KCNK1: variants seen among roughly 807,000 people sequenced by gnomAD.
KCNK1 encodes the protein potassium two pore domain channel subfamily K member 1, also known as potassium channel subfamily K member 1.
A neutral mutation model predicts 22.2 loss-of-function variants in KCNK1; 10 were observed. The observed-to-expected ratio is 0.45, with a 90% CI of 0.28 to 0.76. KCNK1 has a LOEUF of 0.76. Ranked by LOEUF, KCNK1 falls within the 30% of genes least tolerant of loss-of-function variation. The pLI, the probability that KCNK1 is intolerant of heterozygous loss-of-function variation, is 0.14. For missense variants in KCNK1, 378 were observed against 421.0 expected, an observed-to-expected ratio of 0.90 and a Z score of 0.89; for synonymous variants, 200 against 186.4, an observed-to-expected ratio of 1.07 and a Z score of -0.60.
intron 1 of KCNK1, among the ~76,000 whole-genome samples, chr1:233,662,238 C>CCTTCTTCTTCTTCTTCTTCTTCTT (rs147341553): frequency 4.5e-4 from 68 of 149,572 alleles, no homozygotes; most frequent in African/African-American, 8.6e-4. Flanking sequence ...TTCTTCTTCT[C>CCTTCTTCTTCTTCTTCTTCTTCTT]CTTCTTCTTC....
intron 1 of KCNK1, among the ~76,000 whole-genome samples, chr1:233,648,618 G>T (rs1196690866): frequency 6.6e-6 from 1 of 151,606 alleles, no homozygotes; most frequent in Admixed American, 6.6e-5. Context: ...AGGCTGGAGT[G>T]CAGTGGTGTG....
chr1:233,639,916 G>A (rs1177879379), intron 1 of KCNK1, among the ~76,000 whole-genome samples: 9 of 152,182 alleles, frequency 5.9e-5, no homozygotes, highest in Non-Finnish European at 4.4e-5. Flanking sequence ...TCCTGCTCTG[G>A]GCAGTTGGTG....
intron 1 of KCNK1, among the ~76,000 whole-genome samples, chr1:233,651,676 T>G (rs1389213280): frequency 6.6e-6 from 1 of 152,232 alleles, no homozygotes; most frequent in African/African-American, 2.4e-5. Context: ...TCTAACTCTC[T>G]CTTCGAATGT....
chr1:233,622,637 C>T (rs1336490648), intron 1 of KCNK1, among the ~76,000 whole-genome samples: 1 of 152,118 alleles, frequency 6.6e-6, no homozygotes, highest in African/African-American at 2.4e-5. Context: ...CGATCTGAGG[C>T]TGAATGGAGG....
At chr1:233,631,208 T>C (rs1303089731) in intron 1 of KCNK1, 3 of 509,348 alleles carry the variant, frequency 5.9e-6, no homozygotes, top group Non-Finnish European at 1.2e-5. Flanking sequence ...CTAACTCAAA[T>C]AGGCGTGATG....
chr1:233,616,239 C>T (rs1452079030), intron 1 of KCNK1, among the ~76,000 whole-genome samples: 11 of 151,994 alleles, frequency 7.2e-5, no homozygotes, highest in Admixed American at 5.9e-4. Context: ...ATGCTTATAG[C>T]GTGTGGTGTT....
intron 1 of KCNK1, among the ~76,000 whole-genome samples, chr1:233,622,927 T>C (rs1657616843): frequency 6.6e-6 from 1 of 152,150 alleles, no homozygotes; most frequent in African/African-American, 2.4e-5. Context: ...TTGACCAACT[T>C]TGTGAAATAA....
At chr1:233,653,178 C>T (rs1658228950) in intron 1 of KCNK1, among the ~76,000 whole-genome samples, 1 of 152,190 alleles carries the variant, frequency 6.6e-6, no homozygotes, top group African/African-American at 2.4e-5. Context: ...GCTTATGCTG[C>T]TTCACCCATT....
chr1:233,666,481 C>A, intron 1 of KCNK1, 114 bp from the exon 2 acceptor site: 1 of 999,832 alleles, frequency 1.0e-6, no homozygotes, highest in Non-Finnish European at 1.5e-6. Context: ...TGAAGTCTCG[C>A]TGTTCTCTTT....
At chr1:233,657,624 A>C (rs1658320613) in intron 1 of KCNK1, among the ~76,000 whole-genome samples, 1 of 151,454 alleles carries the variant, frequency 6.6e-6, no homozygotes, top group Non-Finnish European at 1.5e-5. Context: ...AGAGAAAAAG[A>C]AAGAAAAGAA....
rs767922740 is a variant in KCNK1, at chr1:233,671,361, A to G, written c.842A>G (p.Tyr281Cys). ...CTGAAAAAATTCAGAAAAATGTTCT[A>G]TGTGAAGAAGGACAAGGACGAGGAT... ...HELKKFRKMF[Y>C]VKKDKDEDQV... The change falls in exon 3 of 3, where the codon TAT becomes TGT. Residue 281 changes from tyrosine (Y) to cysteine (C), a missense_variant. Coordinates refer to ENST00000366621, the MANE Select transcript of KCNK1 (RefSeq NM_002245.4). The G allele has an allele frequency of 9.9e-6, 16 of 1,614,100 alleles. No homozygotes were observed. In the Admixed American group the frequency reaches 1.7e-4, roughly 17 times the overall value.
At chr1:233,628,427 C>T (rs1012417608) in intron 1 of KCNK1, among the ~76,000 whole-genome samples, 2 of 152,122 alleles carry the variant, frequency 1.3e-5, no homozygotes, top group Non-Finnish European at 2.9e-5. Flanking sequence ...CACACCTGCA[C>T]ACGTACCCCC....
At chr1:233,668,505 C>T (rs1658537726) in intron 2 of KCNK1, among the ~76,000 whole-genome samples, 1 of 152,170 alleles carries the variant, frequency 6.6e-6, no homozygotes, top group Non-Finnish European at 1.5e-5. Flanking sequence ...TTTTAGAGCC[C>T]ATATGGTATT....
intron 2 of KCNK1, among the ~76,000 whole-genome samples, chr1:233,667,624 G>GA: frequency 6.6e-6 from 1 of 150,714 alleles, no homozygotes. Flanking sequence ...CAGCTACTCG[G>GA]GAGGCTGAGG....
At chr1:233,631,074 A>G (rs1489667922) in intron 1 of KCNK1, among the ~76,000 whole-genome samples, 1 of 152,218 alleles carries the variant, frequency 6.6e-6, no homozygotes, top group Non-Finnish European at 1.5e-5. Context: ...TATGAGCCCT[A>G]TAATAATGTC....
At chr1:233,614,998 G>T (rs1657461705) in intron 1 of KCNK1, among the ~76,000 whole-genome samples, 1 of 152,234 alleles carries the variant, frequency 6.6e-6, no homozygotes, top group African/African-American at 2.4e-5. Context: ...AGAGGCCGAG[G>T]CTGCAGTCTG....
intron 1 of KCNK1, among the ~76,000 whole-genome samples, chr1:233,642,515 G>A (rs1004124214): frequency 1.3e-5 from 2 of 152,196 alleles, no homozygotes; most frequent in African/African-American, 2.4e-5. Context: ...GTGTGAAAGG[G>A]CAGGGGGTGT....
chr1:233,668,270 C>G (rs1170572829), intron 2 of KCNK1, among the ~76,000 whole-genome samples: 1 of 152,214 alleles, frequency 6.6e-6, no homozygotes, highest in East Asian at 1.9e-4. Context: ...GCCAGATGCT[C>G]TGTCTTGGCC....
At chr1:233,671,246 A>G in intron 2 of KCNK1, 25 bp from the exon 3 acceptor site, 1 of 1,611,792 alleles carries the variant, frequency 6.2e-7, no homozygotes, top group Non-Finnish European at 8.5e-7. Context: ...GATCACACTA[A>G]GACAGTGTCC....
Sources: gnomAD v4.1 joint callset for allele counts (sites outside exome capture counted in the v4.1 genomes callset) on GRCh38, gnomAD v4.1.1 for gene constraint, MANE v1.5 for transcripts, NCBI Gene and HGNC (gene_info 2026-07-23, HGNC 2026-07-21) for gene names.